Variants in SLC25A21 observed in about 807,000 individuals in gnomAD.
The protein encoded by SLC25A21 is mitochondrial 2-oxodicarboxylate carrier.
Under a neutral mutation model 43.8 loss-of-function variants are expected in SLC25A21, and 47 were observed. The observed-to-expected ratio is 1.07, with a 90% CI of 0.85 to 1.37. The LOEUF (loss-of-function observed/expected upper bound fraction) is 1.37, where lower values mean the gene tolerates loss of function less well. Among genes scored for constraint, SLC25A21 ranks in the 40% most tolerant of loss-of-function variants. SLC25A21 has a pLI of 0.00. For missense variants in SLC25A21, 352 were observed against 350.2 expected, an observed-to-expected ratio of 1.00 and a Z score of -0.04; for synonymous variants, 131 against 121.3, an observed-to-expected ratio of 1.08 and a Z score of -0.52.
intron 1 of SLC25A21, among the ~76,000 whole-genome samples, chr14:37,064,031 CAGGA>C (rs1962007423): frequency 6.6e-6 from 1 of 152,058 alleles, no homozygotes; most frequent in African/African-American, 2.4e-5. Flanking sequence ...AGGGTGTTTC[CAGGA>C]AAGATTGATG....
intron 1 of SLC25A21, among the ~76,000 whole-genome samples, chr14:36,994,849 T>G (rs775223117): frequency 6.6e-6 from 1 of 152,172 alleles, no homozygotes; most frequent in Non-Finnish European, 1.5e-5. Flanking sequence ...CCAACATTAT[T>G]TAGCTCTTGA....
At chr14:36,741,789 C>T (rs1198596398) in intron 3 of SLC25A21, among the ~76,000 whole-genome samples, 1 of 152,156 alleles carries the variant, frequency 6.6e-6, no homozygotes, top group East Asian at 1.9e-4. Flanking sequence ...TAATACTCAC[C>T]AGTGAAGCAT....
intron 3 of SLC25A21, among the ~76,000 whole-genome samples, chr14:36,751,240 T>C (rs1364236738): frequency 1.3e-5 from 2 of 152,220 alleles, no homozygotes; most frequent in Non-Finnish European, 2.9e-5. Context: ...TAAATGAGGA[T>C]ACTTCTCTCT....
chr14:36,893,761 T>G (rs527991847), intron 1 of SLC25A21, among the ~76,000 whole-genome samples: 122 of 152,332 alleles, frequency 8.0e-4, no homozygotes, highest in African/African-American at 2.8e-3. Context: ...TTTCTACATA[T>G]GGCTAGCCAG....
intron 2 of SLC25A21, among the ~76,000 whole-genome samples, chr14:36,871,438 A>C (rs1238654757): frequency 6.6e-6 from 1 of 152,176 alleles, no homozygotes; most frequent in Admixed American, 6.5e-5. Flanking sequence ...TTGTTATAGA[A>C]GCCTGGACAG....
rs201327091 is a variant in SLC25A21 at position 37,165,997 on chromosome 14, C to A, written c.70+6284G>T. On this transcript the variant is annotated intron_variant, in intron 1 of 9. Coordinates refer to ENST00000331299, the MANE Select transcript of SLC25A21 (RefSeq NM_030631.4). Reference sequence around the variant, plus strand: ...TGTCATATGCAGGGGCTGCTGAGACCAGAGATCTTGGGATCCCTAACATGT... The same window carrying A: ...TGTCATATGCAGGGGCTGCTGAGACAAGAGATCTTGGGATCCCTAACATGT... Among the ~76,000 whole-genome samples the A allele has an allele frequency of 4.6e-5, 7 of 152,234 alleles. No homozygotes were observed. In the East Asian group the frequency reaches 1.4e-3, roughly 29 times the overall value.
At chr14:36,877,591 G>A (rs74602037) in intron 1 of SLC25A21, among the ~76,000 whole-genome samples, 9,125 of 152,170 alleles carry the variant, frequency 0.06, 372 homozygotes, top group Non-Finnish European at 0.092. Context: ...GTAATGCATG[G>A]GAGGAGGTGC....
intron 2 of SLC25A21, among the ~76,000 whole-genome samples, chr14:36,824,087 G>A (rs187433752): frequency 7.6e-4 from 115 of 152,300 alleles, no homozygotes; most frequent in African/African-American, 2.2e-3. Flanking sequence ...AGAATATGGC[G>A]TCTCTGGAGA....
intron 1 of SLC25A21, among the ~76,000 whole-genome samples, chr14:37,069,653 G>C (rs1423264215): frequency 6.6e-6 from 1 of 152,054 alleles, no homozygotes; most frequent in East Asian, 1.9e-4. Context: ...AGCAAAGAAT[G>C]CCAATAAAAT....
intron 1 of SLC25A21, among the ~76,000 whole-genome samples, chr14:36,876,942 C>T (rs3985277): frequency 0.51 from 68,085 of 133,020 alleles, 16,277 homozygotes; most frequent in Non-Finnish European, 0.55. Flanking sequence ...GATAGATACA[C>T]ACACACACAT....
At chr14:36,787,109 C>A (rs848115) in intron 3 of SLC25A21, among the ~76,000 whole-genome samples, 1 of 152,126 alleles carries the variant, frequency 6.6e-6, no homozygotes, top group South Asian at 2.1e-4. Flanking sequence ...CCTGGGTGAG[C>A]TGGATTCACA....
rs555784150 is a variant in SLC25A21 at position 36,679,091 on chromosome 14, C to T, written c.*1567G>A. The T allele has an allele frequency of 1.9e-5, 19 of 985,440 alleles. No homozygotes were observed. In the African/African-American group the frequency reaches 3.0e-4, roughly 15 times the overall value. The allele number at this position is 985,440 out of a possible 1,614,324, so 61.0% of individuals were successfully genotyped here. On this transcript the variant is annotated 3_prime_UTR_variant, in exon 10 of 10. Transcript: ENST00000331299. ...AGAGGTTAAAGGTTCAATTTCATGA[C>T]CTCTATGCAGGCAGCGCTCTCATTG...
At chr14:36,691,627 G>A (rs1393216606) in intron 7 of SLC25A21, among the ~76,000 whole-genome samples, 3 of 152,150 alleles carry the variant, frequency 2.0e-5, no homozygotes, top group African/African-American at 7.2e-5. Flanking sequence ...GCCAAGGCGG[G>A]AGGATAGCTT....
chr14:37,047,637 T>G (rs1961615161), intron 1 of SLC25A21, among the ~76,000 whole-genome samples: 1 of 152,134 alleles, frequency 6.6e-6, no homozygotes, highest in Admixed American at 6.5e-5. Context: ...ATTAAATCAG[T>G]CCCAGCAGAG....
chr14:36,761,442 T>C (rs1886153584), intron 3 of SLC25A21, among the ~76,000 whole-genome samples: 1 of 152,238 alleles, frequency 6.6e-6, no homozygotes, highest in Non-Finnish European at 1.5e-5. Flanking sequence ...GTTGGCTTAT[T>C]TTAAAGTTGA....
intron 1 of SLC25A21, among the ~76,000 whole-genome samples, chr14:37,155,675 A>T (rs914369262): frequency 6.6e-6 from 1 of 152,150 alleles, no homozygotes; most frequent in African/African-American, 2.4e-5. Context: ...AACCCAAAAA[A>T]CTTTCACCCT....
intron 2 of SLC25A21, among the ~76,000 whole-genome samples, chr14:36,821,644 C>CT (rs1888638701): frequency 6.6e-6 from 1 of 152,012 alleles, no homozygotes; most frequent in African/African-American, 2.4e-5. Context: ...TGGTGAAACT[C>CT]TATCTCTACT....
At chr14:36,866,584 C>T (rs370762276) in intron 2 of SLC25A21, among the ~76,000 whole-genome samples, 27 of 152,166 alleles carry the variant, frequency 1.8e-4, no homozygotes, top group Non-Finnish European at 3.2e-4. Context: ...TTCCCCCCAC[C>T]TAGGACCTTG....
intron 1 of SLC25A21, among the ~76,000 whole-genome samples, chr14:36,942,049 C>T (rs1892573458): frequency 6.6e-6 from 1 of 151,428 alleles, no homozygotes; most frequent in African/African-American, 2.4e-5. Context: ...GGAAATATGC[C>T]ATCACCACTT....
Sources: gnomAD v4.1 joint callset for allele counts (sites outside exome capture counted in the v4.1 genomes callset) on GRCh38, gnomAD v4.1.1 for gene constraint, MANE v1.5 for transcripts, NCBI Gene and HGNC (gene_info 2026-07-23, HGNC 2026-07-21) for gene names.